PRKDC: variants seen among roughly 807,000 people sequenced by gnomAD.
The protein encoded by PRKDC is DNA-dependent protein kinase catalytic subunit.
Under a neutral mutation model 486.9 loss-of-function variants are expected in PRKDC, and 82 were observed. That is an observed-to-expected ratio of 0.17 (90% CI 0.14 to 0.20). The LOEUF is 0.20. PRKDC is among the 10% of genes least tolerant of loss of function. PRKDC has a pLI of 1.00. For missense variants in PRKDC, 4,504 were observed against 5,038.2 expected (o/e 0.89, Z 3.21); for synonymous variants, 1,895 against 1,837.0 (o/e 1.03, Z -0.81).
At chr8:47,950,625 G>GAAAA (rs1208107553) in intron 7 of PRKDC, among the ~76,000 whole-genome samples, 1 of 77,790 alleles carries the variant, frequency 1.3e-5, no homozygotes, top group Non-Finnish European at 2.7e-5. Flanking sequence ...CAAGACTCCG[G>GAAAA]AAAAAAAAAA....
At chr8:47,785,849 A>T (rs1161240488) in intron 76 of PRKDC, among the ~76,000 whole-genome samples, 2 of 152,220 alleles carry the variant, frequency 1.3e-5, no homozygotes, top group African/African-American at 2.4e-5. Context: ...TAATGCCTGT[A>T]ATCCCAGCAC....
chr8:47,920,423 TG>T (rs556748637), intron 21 of PRKDC, among the ~76,000 whole-genome samples: 241 of 152,282 alleles, frequency 1.6e-3, no homozygotes, highest in African/African-American at 5.6e-3. Context: ...TTGTGTATAA[TG>T]TTCTCCTGTA....
chr8:47,832,093 G>A (rs1307094839), intron 59 of PRKDC, among the ~76,000 whole-genome samples, 167 bp from the exon 60 acceptor site: 1 of 152,244 alleles, frequency 6.6e-6, no homozygotes, highest in Non-Finnish European at 1.5e-5. Flanking sequence ...CTGCTCAGCA[G>A]TGGATTCAGC....
Position 47,782,250 on chromosome 8 carries a change from C to G in PRKDC, c.11401G>C (p.Gly3801Arg). The G allele has an allele frequency of 6.2e-7, 1 of 1,613,704 alleles. No homozygotes were observed. Among genetic ancestry groups the G allele is most frequent in the Non-Finnish European group, 8.5e-7 (1 of 1,179,594 alleles). The change falls in exon 80 of 86, where the codon GGA becomes CGA. Residue 3801 changes from glycine (G) to arginine (R), a missense_variant. Physicochemically the swap from Gly to Arg is moderately radical, Grantham distance 125. Around this residue, in one of 6 missense-constraint regions of PRKDC, gnomAD observed 706 missense variants for 945.0 expected, o/e 0.75. Transcript: ENST00000314191. This position sits in a 1 kb window ranked among gnomAD's most constrained non-coding sequence, Gnocchi z 4.9. ...YSVVPMTSRL[G>R]LIEWLENTVT... Reference sequence around the variant, plus strand: ...GTATTTTCAAGCCACTCAATTAATCCTAACCTGAAAGGGAGAATAAAAGGT... The same window carrying G: ...GTATTTTCAAGCCACTCAATTAATCGTAACCTGAAAGGGAGAATAAAAGGT...
intron 58 of PRKDC, 70 bp downstream of exon 58, chr8:47,836,268 T>C: frequency 7.3e-7 from 1 of 1,361,196 alleles, no homozygotes; most frequent in South Asian, 2.1e-5. Context: ...AGCCCAACAC[T>C]GTTGTGACAG....
intron 32 of PRKDC, 23 bp downstream of exon 32, chr8:47,890,234 C>A: frequency 5.1e-6 from 8 of 1,554,854 alleles, no homozygotes; most frequent in Non-Finnish European, 7.0e-6. Context: ...AAAAACTGAC[C>A]TCAAATTAAC....
At chr8:47,810,224 C>T (rs2087299454) in intron 68 of PRKDC, among the ~76,000 whole-genome samples, 1 of 152,174 alleles carries the variant, frequency 6.6e-6, no homozygotes. Flanking sequence ...CCTTATCTTA[C>T]CTGCAGTTTT....
At chr8:47,821,838 A>G in intron 64 of PRKDC, 46 bp from the exon 65 acceptor site, 1 of 1,452,090 alleles carries the variant, frequency 6.9e-7, no homozygotes, top group African/African-American at 1.4e-5. Context: ...GTTGGAAAGA[A>G]TACCAATGAG....
At chr8:47,809,022 C>T (rs899395013) in intron 68 of PRKDC, among the ~76,000 whole-genome samples, 5 of 147,612 alleles carry the variant, frequency 3.4e-5, no homozygotes, top group African/African-American at 5.0e-5. Context: ...AGACCCTGTG[C>T]GTGGAAGGAA....
intron 40 of PRKDC, among the ~76,000 whole-genome samples, chr8:47,872,095 T>C (rs1229060710): frequency 6.6e-6 from 1 of 152,162 alleles, no homozygotes; most frequent in Non-Finnish European, 1.5e-5. Context: ...GACAGTGTAA[T>C]AAGGTATAAC....
intron 40 of PRKDC, among the ~76,000 whole-genome samples, chr8:47,875,468 GTT>G (rs1376904396): frequency 6.6e-6 from 1 of 151,856 alleles, no homozygotes; most frequent in African/African-American, 2.4e-5. Flanking sequence ...CCTTGGTTTA[GTT>G]TTTTTCTTTT....
At chr8:47,783,831 C>A in intron 77 of PRKDC, 22 bp from the exon 78 acceptor site, 1 of 1,612,742 alleles carries the variant, frequency 6.2e-7, no homozygotes, top group Non-Finnish European at 8.5e-7. Context: ...CAGAACCTTG[C>A]TTAGGAACAG....
intron 70 of PRKDC, among the ~76,000 whole-genome samples, chr8:47,801,612 G>T (rs924017826): frequency 2.1e-4 from 32 of 152,124 alleles, no homozygotes; most frequent in African/African-American, 7.7e-4. Flanking sequence ...TAAAAAATAG[G>T]AAATGGGTAC....
chr8:47,957,520 ATTTTT>A, intron 1 of PRKDC, 89 bp from the exon 2 acceptor site: 3 of 1,144,960 alleles, frequency 2.6e-6, no homozygotes, highest in Non-Finnish European at 2.5e-6. Flanking sequence ...TTTTCTTATT[ATTTTT>A]TTTGAGATGG....
intron 69 of PRKDC, chr8:47,805,282 T>C (rs2087196168): frequency 6.6e-6 from 1 of 152,256 alleles, no homozygotes; most frequent in Non-Finnish European, 1.5e-5. Flanking sequence ...TTCCCCCATC[T>C]TCTCCAAGCT....
chr8:47,794,248 T>C, intron 74 of PRKDC, 42 bp downstream of exon 74: 2 of 1,503,314 alleles, frequency 1.3e-6, no homozygotes, highest in Non-Finnish European at 1.8e-6. Flanking sequence ...TTTTATAACC[T>C]ATAGTATTTG....
intron 36 of PRKDC, among the ~76,000 whole-genome samples, 189 bp from the exon 37 acceptor site, chr8:47,882,286 C>A (rs541000281): frequency 3.9e-5 from 6 of 152,214 alleles, no homozygotes; most frequent in Non-Finnish European, 8.8e-5. Flanking sequence ...CCACAAAGTA[C>A]AGGGTGGCCT....
Position 47,836,479 on chromosome 8 carries a change from G to A in PRKDC, c.7810C>T (p.Pro2604Ser). 6.2e-7 allele frequency: 1 copy of A among 1,610,784 alleles called. No individual in the cohort carries two copies. The highest frequency in any genetic ancestry group is 1.1e-5 in the South Asian group (1 of 90,384). Residue 2604 changes from proline (P) to serine (S), a missense_variant, in exon 58 of 86, where the codon CCG becomes TCG. Transcript: ENST00000314191. ...GAGGCCTGGGTCTCCACAAACATCG[G>A]AGTGAGAACAGTACTTCGGAAACGC... ...DWRFRSTVLT[P>S]MFVETQASQG...
chr8:47,919,623 A>G (rs945812703), intron 21 of PRKDC, among the ~76,000 whole-genome samples: 4 of 152,066 alleles, frequency 2.6e-5, no homozygotes, highest in Admixed American at 6.5e-5. Flanking sequence ...GTGGGATCTT[A>G]GCTCTGCTCT....
Sources: gnomAD v4.1 joint callset for allele counts (sites outside exome capture counted in the v4.1 genomes callset) on GRCh38, gnomAD v4.1.1 for gene constraint, gnomAD v4.1.1 regional missense constraint, Gnocchi (gnomAD v3.1) non-coding constraint, MANE v1.5 for transcripts, NCBI Gene and HGNC (gene_info 2026-07-23, HGNC 2026-07-21) for gene names.